HBG2: variants seen among roughly 807,000 people sequenced by gnomAD.
HBG2 encodes hemoglobin subunit gamma 2.
For synonymous variants in HBG2, 25 were observed against 63.2 expected (o/e 0.40, Z 2.87); for missense variants, 59 against 155.7 (o/e 0.38, Z 3.31).
Position 5,253,692 on chromosome 11 carries a change from ACG to A in HBG2, c.316-289_316-288del, listed in dbSNP as rs773401799. 1.3e-4 allele frequency among the ~76,000 whole-genome samples: 11 copies of A among 87,306 alleles called. 1 individual carries two copies. The highest frequency in any genetic ancestry group is 3.8e-4 in the African/African-American group (9 of 23,482). The allele number at this position is 87,306 out of a possible 152,430, so 57.3% of individuals were successfully genotyped here. ...CACGCTCTCACACACACACAAACAC[ACG>A]CGCGCACACACACACACACACACAC... On this transcript the variant is annotated intron_variant, in intron 2 of 2. Transcript: ENST00000336906.
In HBG2 at chr11:5,253,222, G is replaced by GT. The variant is rs34879481; in HGVS notation, c.*54_*55insA. 476,073 of 1,592,080 alleles carry GT rather than the reference G, an allele frequency of 0.3. 75,101 individuals are homozygous for GT. Among genetic ancestry groups the GT allele is most frequent in the Non-Finnish European group, 0.32 (373,884 of 1,160,386 alleles). ...TCTTAGCAGAATAGATTTATTATTT[G>GT]ATTGCTTGCAGAATAAAGCCTATCC... On this transcript the variant is annotated 3_prime_UTR_variant, in exon 3 of 3. Transcript: ENST00000336906.
Position 5,253,576 on chromosome 11 carries a change from C to A in HBG2, c.316-171G>T, listed in dbSNP as rs3993802. On this transcript the variant is annotated intron_variant, in intron 2 of 2. Coordinates refer to ENST00000336906, the MANE Select transcript of HBG2 (RefSeq NM_000184.3). The stretch of plus-strand genomic sequence containing the variant: ...TAAATGCAGGTAGTTGTTCTTCTTG[C>A]AGCACTAGTCACTGGCCATAATTTA... 4.6e-5 allele frequency among the ~76,000 whole-genome samples: 7 copies of A among 152,150 alleles called. No individual in the cohort carries two copies. In the South Asian group the frequency reaches 8.3e-4, roughly 18 times the overall value.
intron 2 of HBG2, 65 bp downstream of exon 2, chr11:5,254,227 A>C (rs1306669188): frequency 1.8e-5 from 29 of 1,608,986 alleles, no homozygotes; most frequent in Non-Finnish European, 2.4e-5. Context: ...GCTCAGATCA[A>C]TACTCAGTTG....
At position 5,253,670 on chromosome 11, in the gene HBG2, G is replaced by A. The variant is rs111712615; in HGVS notation, c.316-265C>T. On this transcript the variant is annotated intron_variant, in intron 2 of 2. Coordinates refer to ENST00000336906, the MANE Select transcript of HBG2 (RefSeq NM_000184.3). ...GCTGAAAACGTTAAAAGAAACACAC[G>A]CTCTCACACACACACAAACACACGC... Among the ~76,000 whole-genome samples the A allele has an allele frequency of 9.9e-3, 1,458 of 147,594 alleles. 18 individuals carry two copies. The highest frequency in any genetic ancestry group is 0.017 in the Non-Finnish European group (1,105 of 66,654).
chr11:5,253,559 G>T (rs553334475), intron 2 of HBG2, among the ~76,000 whole-genome samples, 154 bp from the exon 3 acceptor site: 1 of 152,064 alleles, frequency 6.6e-6, no homozygotes, highest in African/African-American at 2.4e-5. Context: ...ATTAAATGCA[G>T]GTAGTTGTTC....
At position 5,253,290 on chromosome 11, in the gene HBG2, G is replaced by C. The variant is rs1473712524; in HGVS notation, c.431C>G (p.Ser144Cys). The change falls in exon 3 of 3, where the codon TCC (serine) becomes TGC (cysteine). Residue 144 changes from serine (S) to cysteine (C), a missense_variant. Physicochemically the swap from Ser to Cys is moderately radical, Grantham distance 112. Coordinates refer to ENST00000336906, the MANE Select transcript of HBG2 (RefSeq NM_000184.3). ...MVTGVASALS[S>C]RYH ...TGGGCAGTGAGCTCAGTGGTATCTG[G>C]AGGACAGGGCACTGGCCACTCCAGT... is the stretch of plus-strand genomic sequence containing the variant. 6.2e-7 allele frequency: 1 copy of C among 1,614,064 alleles called. No homozygotes were observed. The highest frequency in any genetic ancestry group is 1.1e-5 in the South Asian group (1 of 91,066).
At chr11:5,254,176 C>T in intron 2 of HBG2, 116 bp downstream of exon 2, 1 of 1,231,446 alleles carries the variant, frequency 8.1e-7, no homozygotes, top group South Asian at 1.3e-5. Context: ...AGTTTCTTCA[C>T]TCCCAACCCC....
At chr11:5,253,987 C>G (rs188173178) in intron 2 of HBG2, among the ~76,000 whole-genome samples, 1 of 151,726 alleles carries the variant, frequency 6.6e-6, no homozygotes, top group East Asian at 1.9e-4. Context: ...TGTTTTAAAA[C>G]GAATAACAAA....
intron 2 of HBG2, among the ~76,000 whole-genome samples, chr11:5,253,861 A>G (rs1392265375): frequency 5.3e-5 from 8 of 152,122 alleles, no homozygotes; most frequent in Non-Finnish European, 1.0e-4. Context: ...CAGCTGATAT[A>G]GGAATAGCCT....
In HBG2 at chr11:5,253,248, T is replaced by G. The variant is rs889767839; in HGVS notation, c.*29A>C. 2 of 1,613,698 alleles carry G rather than the reference T, an allele frequency of 1.2e-6. No homozygotes were observed. Among genetic ancestry groups the G allele is most frequent in the Non-Finnish European group, 1.7e-6 (2 of 1,179,736 alleles). ...ATTGCTTGCAGAATAAAGCCTATCC[T>G]TGAAAGCTCTGCATCATGGGCAGTG... is the stretch of plus-strand genomic sequence containing the variant. On this transcript the variant is annotated 3_prime_UTR_variant, in exon 3 of 3. Transcript: ENST00000336906.
At position 5,254,463 on chromosome 11, in the gene HBG2, G is replaced by T. The variant is rs754830875; in HGVS notation, c.144C>A (p.Asn48Lys). 1.2e-6 allele frequency: 2 copies of T among 1,614,092 alleles called. No individual in the cohort carries two copies. ...WTQRFFDSFG[N>K]LSSASAIMGN... ...CCATGATGGCAGAGGCAGAGGACAGGTTGCCAAAGCTGTCAAAGAACCTCT... is the reference window on the plus strand; with the variant it reads ...CCATGATGGCAGAGGCAGAGGACAGTTTGCCAAAGCTGTCAAAGAACCTCT... Residue 48 changes from asparagine (N) to lysine (K), a missense_variant, in exon 2 of 3, where the codon AAC becomes AAA. Coordinates refer to ENST00000336906, the MANE Select transcript of HBG2 (RefSeq NM_000184.3).
chr11:5,253,203 C>A lies in HBG2; in HGVS notation c.*74G>T. ...AAGACAACCATGTGTGATCTCTTAG[C>A]AGAATAGATTTATTATTTGATTGCT... is the stretch of plus-strand genomic sequence containing the variant. On this transcript the variant is annotated 3_prime_UTR_variant, in exon 3 of 3. Transcript: ENST00000336906. 1 of 1,594,468 alleles carries A rather than the reference C, an allele frequency of 6.3e-7. No individual in the cohort carries two copies. The highest frequency in any genetic ancestry group is 8.6e-7 in the Non-Finnish European group (1 of 1,165,116).
intron 2 of HBG2, among the ~76,000 whole-genome samples, chr11:5,253,907 TTGAC>T (rs770677324): frequency 1.3e-5 from 2 of 152,080 alleles, no homozygotes; most frequent in Non-Finnish European, 2.9e-5. Context: ...GTTCCCCACT[TTGAC>T]TGAGCCAATA....
In HBG2 at chr11:5,253,214, T is replaced by G. The variant is rs1411528998; in HGVS notation, c.*63A>C. The G allele has an allele frequency of 1.3e-6, 2 of 1,591,204 alleles. No homozygotes were observed. Among genetic ancestry groups the G allele is most frequent in the Non-Finnish European group, 1.7e-6 (2 of 1,164,332 alleles). ...GTGTGATCTCTTAGCAGAATAGATT[T>G]ATTATTTGATTGCTTGCAGAATAAA... is the stretch of plus-strand genomic sequence containing the variant. On this transcript the variant is annotated 3_prime_UTR_variant, in exon 3 of 3. Transcript: ENST00000336906.
intron 2 of HBG2, 30 bp downstream of exon 2, chr11:5,254,262 C>A (rs372578925): frequency 8.6e-5 from 139 of 1,614,168 alleles, no homozygotes; most frequent in Middle Eastern, 4.9e-4. Context: ...AGACTAAAGG[C>A]AACAGTGCTG....
Position 5,254,207 on chromosome 11 carries a change from A to G in HBG2, c.315+85T>C. On this transcript the variant is annotated intron_variant, in intron 2 of 2. Transcript: ENST00000336906. ...ACCCCAGTATCTTCAAACAGCTCAC[A>G]CCCTGCTGTGCTCAGATCAATACTC... 4 of 1,575,534 alleles carry G rather than the reference A, an allele frequency of 2.5e-6. No homozygotes were observed. The South Asian group carries it at 4.4e-5, about 18-fold the overall frequency.
At chr11:5,253,512 T>A in intron 2 of HBG2, 107 bp from the exon 3 acceptor site, 9 of 1,243,022 alleles carry the variant, frequency 7.2e-6, no homozygotes. Flanking sequence ...ATCAAGCCTA[T>A]GTTAACTTCC....
intron 2 of HBG2, 87 bp downstream of exon 2, chr11:5,254,205 A>C (rs941415869): frequency 1.3e-6 from 2 of 1,568,802 alleles, no homozygotes; most frequent in Non-Finnish European, 1.8e-6. Context: ...CAAACAGCTC[A>C]CACCCTGCTG....
rs35020253 is a variant in HBG2, at chr11:5,253,366, A to G, written c.355T>C (p.Phe119Leu). 1 of 1,613,714 alleles carries G rather than the reference A, an allele frequency of 6.2e-7. No homozygotes were observed. The highest frequency in any genetic ancestry group is 8.5e-7 in the Non-Finnish European group (1 of 1,179,728). The stretch of plus-strand genomic sequence containing the variant: ...ACCTCAGGGGTGAATTCTTTGCCGA[A>G]ATGGATTGCCAAAACGGTCACCAGC... ...NVLVTVLAIHFGKEFTPEVQA... is the reference protein window; with the variant it reads ...NVLVTVLAIHLGKEFTPEVQA... Residue 119 changes from phenylalanine to leucine, a missense_variant, in exon 3 of 3, where the codon TTC becomes CTC. Transcript: ENST00000336906.
Sources: gnomAD v4.1 joint callset for allele counts (sites outside exome capture counted in the v4.1 genomes callset) on GRCh38, gnomAD v4.1.1 for gene constraint, MANE v1.5 for transcripts, NCBI Gene and HGNC (gene_info 2026-07-23, HGNC 2026-07-21) for gene names.